Variants in PSG8 observed in about 807,000 individuals in gnomAD.
PSG8 encodes the protein pregnancy-specific beta-1-glycoprotein 8.
In PSG8, 57 loss-of-function variants were observed where a neutral mutation model predicts 42.5. That is an observed-to-expected ratio of 1.34 (90% CI 1.08 to 1.67). The LOEUF (loss-of-function observed/expected upper bound fraction) is 1.67, where lower values mean the gene tolerates loss of function less well. PSG8 is among the 40% of genes most tolerant of loss of function. The pLI, the probability that PSG8 is intolerant of heterozygous loss-of-function variation, is 0.00. For missense variants in PSG8, 783 were observed against 518.6 expected, an observed-to-expected ratio of 1.51 and a Z score of -4.95; for synonymous variants, 280 against 196.8, an observed-to-expected ratio of 1.42 and a Z score of -3.54.
intron 2 of PSG8, among the ~76,000 whole-genome samples, chr19:42,763,197 C>G (rs1328001290): frequency 6.6e-6 from 1 of 152,176 alleles, no homozygotes; most frequent in Non-Finnish European, 1.5e-5. Flanking sequence ...CAAGCTGCTA[C>G]CAGGTACATC....
intron 2 of PSG8, among the ~76,000 whole-genome samples, chr19:42,761,820 A>T (rs1354168385): frequency 4.7e-4 from 33 of 70,418 alleles, no homozygotes; most frequent in East Asian, 1.0e-3. Flanking sequence ...CATTTCAATA[A>T]TTTTTTTTTT....
intron 3 of PSG8, 95 bp from the exon 4 acceptor site, chr19:42,755,361 C>A: frequency 6.4e-7 from 1 of 1,562,924 alleles, no homozygotes; most frequent in East Asian, 2.2e-5. Flanking sequence ...CACTTCTCAG[C>A]CCACCCGAGT....
chr19:42,765,409 C>T, intron 1 of PSG8, 109 bp downstream of exon 1: 2 of 1,529,128 alleles, frequency 1.3e-6, no homozygotes, highest in Non-Finnish European at 8.9e-7. Flanking sequence ...GCCTCAGCCT[C>T]CCAAAGTGCT....
chr19:42,754,463 C>G lies in PSG8; in HGVS notation c.1113G>C (p.Lys371Asn), dbSNP rs765268200. 6.2e-7 allele frequency: 1 copy of G among 1,613,954 alleles called. No individual in the cohort carries two copies. Among genetic ancestry groups the G allele is most frequent in the Non-Finnish European group, 8.5e-7 (1 of 1,179,902 alleles). Residue 371 changes from lysine (K) to asparagine (N), a missense_variant, in exon 5 of 5, where the codon AAG becomes AAC. Coordinates refer to ENST00000306511, the MANE Select transcript of PSG8 (RefSeq NM_182707.3). ...PAQYSWTING[K>N]FQLSGQKLFI... ...AGAGCTTTTGTCCTGATAGCTGAAA[C>G]TTCCCATTAATTGTCCAAGAATACT...
chr19:42,755,553 T>A (rs1207489880), intron 3 of PSG8: 1 of 613,362 alleles, frequency 1.6e-6, no homozygotes. Flanking sequence ...CTGGTATCCC[T>A]CCCAGTCCCT....
rs542075541 is a variant in PSG8, at chr19:42,765,159, T to C, written c.64+359A>G. ...TCTTTCCTTTTTCTCTTTTTTCTCT[T>C]TTTTTTTTTTTGAGATGGAGTCTCA... On this transcript the variant is annotated intron_variant, in intron 1 of 4. Transcript: ENST00000306511. 5.6e-3 allele frequency among the ~76,000 whole-genome samples: 832 copies of C among 147,576 alleles called. 8 individuals are homozygous for C. Among genetic ancestry groups the C allele is most frequent in the Non-Finnish European group, 7.8e-3 (520 of 66,484 alleles).
intron 3 of PSG8, chr19:42,755,727 T>C (rs1214714360): frequency 1.0e-5 from 2 of 191,824 alleles, no homozygotes; most frequent in Non-Finnish European, 2.2e-5. Flanking sequence ...GGACTACCCA[T>C]GGTCCTGAAA....
rs549870325 is a variant in PSG8, at chr19:42,757,942, T to C, written c.709+60A>G. On this transcript the variant is annotated intron_variant, in intron 3 of 4. Coordinates refer to ENST00000306511, the MANE Select transcript of PSG8 (RefSeq NM_182707.3). ...ACCTGAGAGGGACTGAGAGGCCTGG[T>C]CTCTGGCCACGTGTATTTGGGATGG... 3.8e-4 allele frequency: 607 copies of C among 1,613,598 alleles called. 4 individuals carry two copies. The African/African-American group carries it at 3.8e-3, about 10-fold the overall frequency.
chr19:42,761,456 CT>C (rs1382118342), intron 2 of PSG8, among the ~76,000 whole-genome samples: 2 of 152,120 alleles, frequency 1.3e-5, no homozygotes, highest in African/African-American at 4.8e-5. Flanking sequence ...CTAATTGCTC[CT>C]ATAGATAACA....
intron 1 of PSG8, among the ~76,000 whole-genome samples, chr19:42,765,260 C>T (rs1970187659): frequency 6.6e-6 from 1 of 151,428 alleles, no homozygotes; most frequent in South Asian, 2.1e-4. Flanking sequence ...TCACGTGATT[C>T]TTCTGCCTCA....
At position 42,764,066 on chromosome 19, in the gene PSG8, C is replaced by T; in HGVS notation, c.280G>A (p.Ala94Thr). The part of the protein sequence containing the change: ...VDGQIIIYGP[A>T]YSGRETIYSN... ...TATATTGTTTCTCGTCCACTGTATG[C>T]AGGCCCATATATAATTATTTGACCG... Residue 94 changes from alanine to threonine, a missense_variant, in exon 2 of 5, where the codon GCA becomes ACA. By Grantham distance (58) the Ala-to-Thr change is moderately conservative. Coordinates refer to ENST00000306511, the MANE Select transcript of PSG8 (RefSeq NM_182707.3). The T allele has an allele frequency of 6.2e-7, 1 of 1,613,814 alleles. No homozygotes were observed. Among genetic ancestry groups the T allele is most frequent in the South Asian group, 1.1e-5 (1 of 91,062 alleles).
At chr19:42,763,599 T>G (rs1170200327) in intron 2 of PSG8, 6 of 452,096 alleles carry the variant, frequency 1.3e-5, no homozygotes, top group South Asian at 2.1e-5. Context: ...TACTCAGTTC[T>G]CCAGGGTCTT....
At chr19:42,759,993 C>T (rs1653808181) in intron 2 of PSG8, among the ~76,000 whole-genome samples, 3 of 152,006 alleles carry the variant, frequency 2.0e-5, no homozygotes, top group Admixed American at 6.6e-5. Context: ...AGGAATGATG[C>T]CAAATTAAAA....
intron 2 of PSG8, 87 bp from the exon 3 acceptor site, chr19:42,758,367 C>A (rs1343877080): frequency 6.5e-7 from 1 of 1,549,332 alleles, no homozygotes; most frequent in Non-Finnish European, 8.7e-7. Flanking sequence ...GCATTTCCCA[C>A]CTCTCAGCCC....
In PSG8 at chr19:42,758,233, C is replaced by A; in HGVS notation, c.478G>T (p.Glu160Ter). The A allele has an allele frequency of 1.2e-6, 2 of 1,614,022 alleles. No individual in the cohort carries two copies. Among genetic ancestry groups the A allele is most frequent in the Non-Finnish European group, 1.7e-6 (2 of 1,179,962 alleles). The change falls in exon 3 of 5, where the codon GAG (glutamate) becomes TAG (stop). Residue 160 changes from glutamate to a stop codon, truncating the protein, a stop_gained. Coordinates refer to ENST00000306511, the MANE Select transcript of PSG8 (RefSeq NM_182707.3). LOFTEE classifies it high-confidence loss of function. ...SISSSKLNPR[E>*]AMEAVSLTCD... ...GTTAAGCTCACAGCCTCCATGGCCT[C>A]CCTGGGGTTTAATTTGCTGCTGGAG...
At chr19:42,763,744 A>T in intron 2 of PSG8, 172 bp downstream of exon 2, 3 of 1,297,018 alleles carry the variant, frequency 2.3e-6, no homozygotes, top group Non-Finnish European at 3.3e-6. Context: ...AGGAATTCTG[A>T]TCTGTTGAAA....
Position 42,755,626 on chromosome 19 carries a change from C to T in PSG8, c.710-360G>A. On this transcript the variant is annotated intron_variant, in intron 3 of 4. Transcript: ENST00000306511. ...TTACCTGGAATGTGCAACTGGTGGG[C>T]CCCTTCCAAATTCCATCCTACATTG... 3 of 362,868 alleles carry T rather than the reference C, an allele frequency of 8.3e-6. No individual in the cohort carries two copies. The South Asian group carries it at 1.4e-4, about 17-fold the overall frequency. 22.5% of individuals were successfully genotyped at this position (362,868 alleles called of 1,614,324 possible).
intron 2 of PSG8, among the ~76,000 whole-genome samples, chr19:42,761,263 T>A (rs1192658796): frequency 6.6e-6 from 1 of 152,202 alleles, no homozygotes; most frequent in East Asian, 1.9e-4. Context: ...GAAGCAAGAA[T>A]GATAATAGTT....
chr19:42,755,365 C>T, intron 3 of PSG8, 99 bp from the exon 4 acceptor site: 1 of 1,556,258 alleles, frequency 6.4e-7, no homozygotes, highest in South Asian at 1.2e-5. Flanking sequence ...TCTCAGCCCA[C>T]CCGAGTCCTT....
Sources: allele counts gnomAD v4.1 joint callset (sites outside exome capture counted in the v4.1 genomes callset), GRCh38; gene constraint gnomAD v4.1.1; transcripts MANE v1.5; gene names NCBI Gene and HGNC (gene_info 2026-07-23, HGNC 2026-07-21).